Variants in PIK3R3 observed in about 807,000 individuals in gnomAD.
PIK3R3 encodes the protein phosphoinositide-3-kinase regulatory subunit 3.
In PIK3R3, 64 loss-of-function variants were observed where a neutral mutation model predicts 62.9. The ratio of observed to expected loss-of-function variants is 1.02; its 90% CI spans 0.83 to 1.25. The LOEUF (loss-of-function observed/expected upper bound fraction) is 1.25, where lower values mean the gene tolerates loss of function less well. PIK3R3 is among the 50% of genes most tolerant of loss of function. PIK3R3 has a pLI of 0.00. For synonymous variants in PIK3R3, 165 were observed against 189.0 expected (o/e 0.87, Z 1.04); for missense variants, 614 against 561.6 (o/e 1.09, Z -0.94).
At chr1:46,173,554 A>C in the PIK3R3 span, among the ~76,000 whole-genome samples, 1 of 152,164 alleles carries the variant, frequency 6.6e-6, no homozygotes, top group African/African-American at 2.4e-5. Flanking sequence ...TGGTGTTCTC[A>C]GCCACCAGGG....
intron 1 of PIK3R3, among the ~76,000 whole-genome samples, chr1:46,122,357 C>A (rs558168389): frequency 2.0e-5 from 3 of 152,186 alleles, no homozygotes; most frequent in African/African-American, 7.2e-5. Flanking sequence ...ACCTAATACA[C>A]TGTGAAAAAC....
chr1:46,147,313 C>T, the PIK3R3 span, among the ~76,000 whole-genome samples: 1 of 152,168 alleles, frequency 6.6e-6, no homozygotes, highest in Non-Finnish European at 1.5e-5. Flanking sequence ...CAATGTTGGC[C>T]AGGCTGGTCT....
the PIK3R3 span, among the ~76,000 whole-genome samples, chr1:46,149,578 C>T: frequency 1.3e-5 from 2 of 151,598 alleles, no homozygotes; most frequent in Non-Finnish European, 2.9e-5. Context: ...GCTTTGTCAC[C>T]CAGGCTGGAG....
At chr1:46,102,707 G>A (rs902500827) in intron 1 of PIK3R3, among the ~76,000 whole-genome samples, 2 of 149,656 alleles carry the variant, frequency 1.3e-5, no homozygotes, top group Admixed American at 6.7e-5. Context: ...TTGTAAAATG[G>A]TGCAACTGCT....
At chr1:46,116,382 G>T (rs1325624270) in intron 1 of PIK3R3, among the ~76,000 whole-genome samples, 1 of 152,086 alleles carries the variant, frequency 6.6e-6, no homozygotes, top group African/African-American at 2.4e-5. Flanking sequence ...GCCAGGCATG[G>T]TAGTGCATAC....
At chr1:46,171,048 G>A in the PIK3R3 span, among the ~76,000 whole-genome samples, 1 of 152,124 alleles carries the variant, frequency 6.6e-6, no homozygotes, top group Non-Finnish European at 1.5e-5. Flanking sequence ...AATGAATTTT[G>A]TTGGTAATAG....
intron 1 of PIK3R3, among the ~76,000 whole-genome samples, chr1:46,090,106 A>C (rs1651475194): frequency 6.6e-6 from 1 of 152,120 alleles, no homozygotes; most frequent in Admixed American, 6.6e-5. Flanking sequence ...TTGACTTTTT[A>C]AACTATAAAC....
chr1:46,047,448 A>AAAAAAAAG (rs1553143013), intron 7 of PIK3R3, among the ~76,000 whole-genome samples: 9 of 141,762 alleles, frequency 6.3e-5, no homozygotes, highest in Non-Finnish European at 1.1e-4. Context: ...AAAAAAAAAA[A>AAAAAAAAG]AAAGAAAGAA....
chr1:46,126,002 C>T (rs1382477474), intron 1 of PIK3R3, among the ~76,000 whole-genome samples: 3 of 151,946 alleles, frequency 2.0e-5, no homozygotes, highest in African/African-American at 4.8e-5. Flanking sequence ...CCTCGTAATC[C>T]GCCTGCCTCG....
intron 1 of PIK3R3, chr1:46,105,134 C>T (rs1420037990): frequency 1.4e-6 from 1 of 698,272 alleles, no homozygotes; most frequent in African/African-American, 1.8e-5. Context: ...GAACCTGTCC[C>T]CTGATGGGAG....
chr1:46,051,780 A>G (rs2149380112), intron 7 of PIK3R3, among the ~76,000 whole-genome samples: 1 of 152,300 alleles, frequency 6.6e-6, no homozygotes, highest in South Asian at 2.1e-4. Context: ...AGATGCCTGA[A>G]AGCAGACAGT....
chr1:46,143,218 T>A, the PIK3R3 span, among the ~76,000 whole-genome samples: 1 of 152,340 alleles, frequency 6.6e-6, no homozygotes, highest in East Asian at 1.9e-4. Context: ...GTAGATCAGC[T>A]AGCTCCAAGA....
Position 46,100,473 on chromosome 1 carries a change from T to C in PIK3R3, c.107-19723A>G, listed in dbSNP as rs138503996. On this transcript the variant is annotated intron_variant, in intron 1 of 9. Transcript: ENST00000262741. ...TCGGGGGTTCTATTTCTGGGCTCTTTATTCTTCCCAGAGGTTGGTCTATCC... is the reference window on the plus strand; with the variant it reads ...TCGGGGGTTCTATTTCTGGGCTCTTCATTCTTCCCAGAGGTTGGTCTATCC... 2.9e-4 allele frequency among the ~76,000 whole-genome samples: 44 copies of C among 152,328 alleles called. 1 individual carries two copies. In the East Asian group the frequency reaches 6.9e-3, roughly 24 times the overall value.
intron 6 of PIK3R3, among the ~76,000 whole-genome samples, chr1:46,059,507 A>G (rs1031468812): frequency 9.2e-5 from 14 of 152,216 alleles, no homozygotes; most frequent in African/African-American, 3.4e-4. Context: ...TTGTCACTCA[A>G]TATGTGGCTT....
At chr1:46,068,191 T>C (rs553487555) in intron 3 of PIK3R3, among the ~76,000 whole-genome samples, 9 of 152,348 alleles carry the variant, frequency 5.9e-5, no homozygotes, top group Admixed American at 5.2e-4. Flanking sequence ...TAAATATACA[T>C]GAGAAGGACC....
the PIK3R3 span, among the ~76,000 whole-genome samples, chr1:46,148,473 T>C: frequency 2.0e-5 from 3 of 152,184 alleles, no homozygotes; most frequent in African/African-American, 4.8e-5. Context: ...AGTTTCTCCA[T>C]ATAACTGCGA....
intron 1 of PIK3R3, among the ~76,000 whole-genome samples, chr1:46,109,966 A>G (rs1557620448): frequency 1.3e-5 from 2 of 152,012 alleles, no homozygotes; most frequent in Admixed American, 6.6e-5. Context: ...TCATTTTCCT[A>G]TTACTTTCCC....
chr1:46,116,433 C>A (rs1654194815), intron 1 of PIK3R3, among the ~76,000 whole-genome samples: 1 of 152,078 alleles, frequency 6.6e-6, no homozygotes, highest in South Asian at 2.1e-4. Context: ...GAGGAGGATC[C>A]CTTGAACCCA....
intron 1 of PIK3R3, among the ~76,000 whole-genome samples, chr1:46,094,942 C>T (rs191422019): frequency 2.0e-5 from 3 of 152,274 alleles, no homozygotes; most frequent in East Asian, 1.9e-4. Context: ...CAAAATTAAA[C>T]GATGATTTTA....
Sources: gnomAD v4.1 joint callset for allele counts (sites outside exome capture counted in the v4.1 genomes callset) on GRCh38, gnomAD v4.1.1 for gene constraint, MANE v1.5 for transcripts, NCBI Gene and HGNC (gene_info 2026-07-23, HGNC 2026-07-21) for gene names.